Variants in SNAP91 observed in about 807,000 individuals in gnomAD.
SNAP91 encodes clathrin coat assembly protein AP180.
In SNAP91, 27 loss-of-function variants were observed where a neutral mutation model predicts 100.3. The observed-to-expected ratio is 0.27, with a 90% CI of 0.20 to 0.37. The LOEUF (loss-of-function observed/expected upper bound fraction) is 0.37. Ranked by LOEUF, SNAP91 falls within the 10% of genes least tolerant of loss-of-function variation. SNAP91 has a pLI of 1.00. For missense variants in SNAP91, 986 were observed against 1,123.7 expected, an observed-to-expected ratio of 0.88 and a Z score of 1.75; for synonymous variants, 404 against 398.6, an observed-to-expected ratio of 1.01 and a Z score of -0.16.
At chr6:83,699,852 C>G (rs1364781099) in intron 2 of SNAP91, among the ~76,000 whole-genome samples, 1 of 152,120 alleles carries the variant, frequency 6.6e-6, no homozygotes, top group Non-Finnish European at 1.5e-5. Context: ...TAATAGAAGG[C>G]AGATGACTGA....
At chr6:83,639,152 T>TG (rs2097575204) in intron 8 of SNAP91, among the ~76,000 whole-genome samples, 1 of 152,162 alleles carries the variant, frequency 6.6e-6, no homozygotes, top group South Asian at 2.1e-4. Flanking sequence ...ATTTTGAAAA[T>TG]CATATTCTAG....
At chr6:83,594,303 G>T in intron 17 of SNAP91, 71 bp downstream of exon 17, 2 of 1,135,758 alleles carry the variant, frequency 1.8e-6, no homozygotes, top group Non-Finnish European at 1.3e-6. Context: ...AAAACATATG[G>T]CCTCTTCTAA....
intron 22 of SNAP91, among the ~76,000 whole-genome samples, chr6:83,583,117 C>A (rs1830736614): frequency 6.6e-6 from 1 of 152,210 alleles, no homozygotes; most frequent in Admixed American, 6.5e-5. Context: ...CAGCTGTGAT[C>A]CGCCACTCGC....
intron 9 of SNAP91, among the ~76,000 whole-genome samples, chr6:83,618,050 T>C (rs1422977697): frequency 6.6e-6 from 1 of 151,924 alleles, no homozygotes; most frequent in Non-Finnish European, 1.5e-5. Flanking sequence ...GACATTCATA[T>C]AACTGTATCT....
chr6:83,620,039 A>G (rs991489225), intron 9 of SNAP91, among the ~76,000 whole-genome samples: 2 of 152,212 alleles, frequency 1.3e-5, no homozygotes, highest in African/African-American at 2.4e-5. Flanking sequence ...TTTCATTGAT[A>G]TTGGTGAATA....
chr6:83,568,002 C>T (rs1584339560), intron 26 of SNAP91, among the ~76,000 whole-genome samples: 1 of 151,420 alleles, frequency 6.6e-6, no homozygotes, highest in Non-Finnish European at 1.5e-5. Flanking sequence ...TGGCTATATA[C>T]CCAAAGGATT....
intron 8 of SNAP91, among the ~76,000 whole-genome samples, 170 bp from the exon 9 acceptor site, chr6:83,623,512 A>G (rs1242328300): frequency 1.3e-5 from 2 of 152,122 alleles, no homozygotes; most frequent in Non-Finnish European, 2.9e-5. Context: ...TTTTCACTCA[A>G]TATAATAGAG....
At chr6:83,633,945 A>C (rs933502581) in intron 8 of SNAP91, among the ~76,000 whole-genome samples, 4 of 139,278 alleles carry the variant, frequency 2.9e-5, no homozygotes, top group East Asian at 2.6e-4. Flanking sequence ...CACACTGGGA[A>C]CTGTTGTGGG....
chr6:83,603,054 T>A (rs2095374164), intron 14 of SNAP91, among the ~76,000 whole-genome samples: 1 of 152,190 alleles, frequency 6.6e-6, no homozygotes, highest in African/African-American at 2.4e-5. Context: ...TTTAAACAGG[T>A]TAAAGATAGT....
In SNAP91 at chr6:83,658,975, A is replaced by G. The variant is rs368467249; in HGVS notation, c.546+24T>C. On this transcript the variant is annotated intron_variant, in intron 6 of 29. Coordinates refer to ENST00000369694, the MANE Select transcript of SNAP91 (RefSeq NM_001242792.2). ...GAAAGACAACATTGATTGTGTATGAAACATTTTCTAGTGAGATACATACAT... is the reference window on the plus strand; with the variant it reads ...GAAAGACAACATTGATTGTGTATGAGACATTTTCTAGTGAGATACATACAT... 392 of 1,529,840 alleles carry G rather than the reference A, an allele frequency of 2.6e-4. 1 individual carries two copies. The highest frequency in any genetic ancestry group is 6.8e-4 in the Middle Eastern group (4 of 5,898). The allele number at this position is 1,529,840 out of a possible 1,614,324, so 94.8% of individuals were successfully genotyped here.
intron 8 of SNAP91, among the ~76,000 whole-genome samples, chr6:83,632,895 A>T (rs2097267466): frequency 6.6e-6 from 1 of 151,888 alleles, no homozygotes; most frequent in South Asian, 2.1e-4. Flanking sequence ...TAAATCAGGG[A>T]TTTGTTGGTT....
rs1485913975 is a variant in SNAP91, at chr6:83,575,095, T to C, written c.2357A>G (p.Glu786Gly). Residue 786 changes from glutamate (E) to glycine (G), a missense_variant, in exon 26 of 30, where the codon GAG becomes GGG. Glu to Gly is a moderately conservative substitution (Grantham distance 98). Transcript: ENST00000369694. The part of the protein sequence containing the change: ...KKGDLQWNAG[E>G]KKLTGGANWQ... Reference sequence around the variant, plus strand: ...GTTGGCTCCACCAGTCAACTTTTTCTCTCCAGCATTCCACTGAAGATCTCC... The same window carrying C: ...GTTGGCTCCACCAGTCAACTTTTTCCCTCCAGCATTCCACTGAAGATCTCC... 2 of 1,607,612 alleles carry C rather than the reference T, an allele frequency of 1.2e-6. No individual in the cohort carries two copies. Among genetic ancestry groups the C allele is most frequent in the South Asian group, 2.2e-5 (2 of 89,570 alleles).
intron 26 of SNAP91, among the ~76,000 whole-genome samples, chr6:83,573,848 C>A (rs1404513714): frequency 6.6e-6 from 1 of 152,124 alleles, no homozygotes; most frequent in Non-Finnish European, 1.5e-5. Flanking sequence ...CCATAAAAAT[C>A]CTAGAAGAAA....
At chr6:83,703,364 CAAATAT>C (rs766810561) in intron 2 of SNAP91, among the ~76,000 whole-genome samples, 9 of 152,030 alleles carry the variant, frequency 5.9e-5, no homozygotes, top group Non-Finnish European at 2.9e-5. Context: ...TAAATTATCA[CAAATAT>C]AAATATATGG....
chr6:83,627,463 G>A (rs1196313619), intron 8 of SNAP91, among the ~76,000 whole-genome samples: 1 of 152,030 alleles, frequency 6.6e-6, no homozygotes, highest in Non-Finnish European at 1.5e-5. Context: ...GAATTTAGCT[G>A]TGAATCTATT....
At chr6:83,605,577 T>C in intron 14 of SNAP91, 108 bp downstream of exon 14, 4 of 1,413,044 alleles carry the variant, frequency 2.8e-6, no homozygotes, top group African/African-American at 1.5e-5. Context: ...TCCAAGTTTC[T>C]AATACCATTT....
rs151176356 is a variant in SNAP91 at position 83,694,731 on chromosome 6, G to C, written c.130+13067C>G. On this transcript the variant is annotated intron_variant, in intron 2 of 29. Coordinates refer to ENST00000369694, the MANE Select transcript of SNAP91 (RefSeq NM_001242792.2). The stretch of plus-strand genomic sequence containing the variant: ...ACAGAAACAAGCGAAACAGGGGGTG[G>C]AGGAAGAATCCTGAACAAGCACTAG... 3.1e-4 allele frequency among the ~76,000 whole-genome samples: 47 copies of C among 152,268 alleles called. No homozygotes were observed. The East Asian group carries it at 8.9e-3, about 29-fold the overall frequency.
At chr6:83,624,578 T>G (rs1380662377) in intron 8 of SNAP91, among the ~76,000 whole-genome samples, 1 of 152,096 alleles carries the variant, frequency 6.6e-6, no homozygotes, top group Non-Finnish European at 1.5e-5. Flanking sequence ...AGAGCAGGGT[T>G]TCTCAGTCTT....
intron 7 of SNAP91, among the ~76,000 whole-genome samples, chr6:83,646,936 T>C (rs1174586297): frequency 6.6e-6 from 1 of 152,180 alleles, no homozygotes; most frequent in Non-Finnish European, 1.5e-5. Context: ...TATTTCATTT[T>C]AGGGAGTGCT....
Sources: gnomAD v4.1 joint callset for allele counts (sites outside exome capture counted in the v4.1 genomes callset) on GRCh38, gnomAD v4.1.1 for gene constraint, MANE v1.5 for transcripts, NCBI Gene and HGNC (gene_info 2026-07-23, HGNC 2026-07-21) for gene names.